SPC25: variants seen among roughly 807,000 people sequenced by gnomAD.
The protein encoded by SPC25 is kinetochore protein Spc25.
In SPC25, 22 loss-of-function variants were observed where a neutral mutation model predicts 29.6. The observed-to-expected ratio is 0.74, with a 90% CI of 0.53 to 1.06. SPC25 has a LOEUF of 1.06. Among genes scored for constraint, SPC25 ranks in the 50% least tolerant of loss-of-function variants. The pLI is 0.00. For missense variants in SPC25, 230 were observed against 255.8 expected (o/e 0.90, Z 0.69); for synonymous variants, 91 against 90.4 (o/e 1.01, Z -0.04).
intron 3 of SPC25, among the ~76,000 whole-genome samples, chr2:168,879,587 T>C (rs974703970): frequency 2.0e-5 from 3 of 152,202 alleles, no homozygotes; most frequent in Non-Finnish European, 4.4e-5. Context: ...CTCAAAGTCA[T>C]CCATGAGGGT....
chr2:168,867,497 C>T (rs1303470146), downstream of SPC25, among the ~76,000 whole-genome samples: 3 of 152,228 alleles, frequency 2.0e-5, no homozygotes, highest in African/African-American at 7.2e-5. Flanking sequence ...ACCCATCTCA[C>T]ATGCAGAAAC....
intron 6 of SPC25, among the ~76,000 whole-genome samples, chr2:168,872,064 T>C (rs1690003489): frequency 2.0e-5 from 3 of 152,028 alleles, no homozygotes; most frequent in Admixed American, 1.3e-4. Flanking sequence ...GCAAACTGCC[T>C]CCTGGCTTCA....
chr2:168,864,946 T>A (rs1460057159), intron 4 of SPC25: 6 of 1,614,014 alleles, frequency 3.7e-6, no homozygotes, highest in Non-Finnish European at 5.1e-6. Flanking sequence ...CTTCAAATGC[T>A]GGCAACACAG....
chr2:168,879,021 T>G (rs1690132229), intron 3 of SPC25, among the ~76,000 whole-genome samples: 1 of 152,220 alleles, frequency 6.6e-6, no homozygotes, highest in Non-Finnish European at 1.5e-5. Flanking sequence ...CATATCTTAA[T>G]TAAAAATATT....
chr2:168,888,294 G>C (rs967681111), intron 3 of SPC25, among the ~76,000 whole-genome samples: 1 of 151,748 alleles, frequency 6.6e-6, no homozygotes, highest in Non-Finnish European at 1.5e-5. Context: ...GGTGGCTCAC[G>C]CCTGTAATCC....
intron 3 of SPC25, among the ~76,000 whole-genome samples, chr2:168,877,802 A>G (rs1690114322): frequency 1.3e-5 from 2 of 151,926 alleles, no homozygotes; most frequent in African/African-American, 2.4e-5. Flanking sequence ...CACAATCACT[A>G]CTCATTGCAG....
At chr2:168,865,539 GC>G (rs1689815694) in intron 4 of SPC25, 1 of 152,504 alleles carries the variant, frequency 6.6e-6, no homozygotes, top group Admixed American at 6.5e-5. Flanking sequence ...AAAACTGGAA[GC>G]ATTCCCTTTG....
intron 5 of SPC25, among the ~76,000 whole-genome samples, chr2:168,874,719 G>A (rs188627460): frequency 2.0e-5 from 3 of 152,158 alleles, no homozygotes; most frequent in African/African-American, 4.8e-5. Context: ...AGGCATAAGC[G>A]TCCAGAACCT....
intron 3 of SPC25, among the ~76,000 whole-genome samples, chr2:168,882,710 T>C (rs529004099): frequency 8.5e-4 from 130 of 152,214 alleles, no homozygotes; most frequent in African/African-American, 3.0e-3. Context: ...CAACAATGGG[T>C]TACCATTTTA....
chr2:168,871,195 C>T lies in SPC25; in HGVS notation c.*236G>A, dbSNP rs1448522446. On this transcript the variant is annotated 3_prime_UTR_variant, in exon 7 of 7. Coordinates refer to ENST00000282074, the MANE Select transcript of SPC25 (RefSeq NM_020675.4). ...ACACAGGAAGGGGAACATCACACAA[C>T]GGGGACTGTTGTGGGTTGGGGGAGG... 1.2e-4 allele frequency: 23 copies of T among 191,794 alleles called. No individual in the cohort carries two copies. In the Admixed American group the frequency reaches 1.2e-3, roughly 10 times the overall value. The allele number at this position is 191,794 out of a possible 1,614,324, so 11.9% of individuals were successfully genotyped here.
intron 3 of SPC25, among the ~76,000 whole-genome samples, chr2:168,887,601 T>C (rs1049729033): frequency 3.9e-5 from 6 of 152,204 alleles, no homozygotes; most frequent in Admixed American, 3.9e-4. Context: ...GTAAGGACAT[T>C]CTAGTCTAAT....
rs1482233927 is a variant in SPC25, at chr2:168,882,843, C to T, written c.200-5459G>A. On this transcript the variant is annotated intron_variant, in intron 3 of 6. Transcript: ENST00000282074. Reference sequence around the variant, plus strand: ...AGATAATTTAACCTCAGATTAATCACAGAAATGCAAGTAAAACAGTAAGAT... The same window carrying T: ...AGATAATTTAACCTCAGATTAATCATAGAAATGCAAGTAAAACAGTAAGAT... Among the ~76,000 whole-genome samples, 3 of 152,038 alleles carry T rather than the reference C, an allele frequency of 2.0e-5. 1 individual carries two copies. Among genetic ancestry groups the T allele is most frequent in the Admixed American group, 2.0e-4 (3 of 15,274 alleles).
At chr2:168,865,423 T>G (rs1689807687) in intron 4 of SPC25, 1 of 154,920 alleles carries the variant, frequency 6.5e-6, no homozygotes, top group African/African-American at 2.4e-5. Context: ...ACAGATCAAT[T>G]CCAAGAAGAG....
chr2:168,883,756 C>A (rs571053534), intron 3 of SPC25, among the ~76,000 whole-genome samples: 20 of 151,314 alleles, frequency 1.3e-4, no homozygotes, highest in Admixed American at 9.9e-4. Context: ...GTCCTCGATG[C>A]TGTATGACCA....
At position 168,890,400 on chromosome 2, in the gene SPC25, G is replaced by A; in HGVS notation, c.-97C>T. Reference sequence around the variant, plus strand: ...AGCCAACAGCCGGACTCTAGGCTCAGCTCCCGCAGCCCCGCCAACTTTCCG... The same window carrying A: ...AGCCAACAGCCGGACTCTAGGCTCAACTCCCGCAGCCCCGCCAACTTTCCG... On this transcript the variant is annotated 5_prime_UTR_variant, in exon 1 of 7. Transcript: ENST00000282074. 1.0e-6 allele frequency: 1 copy of A among 985,492 alleles called. No individual in the cohort carries two copies. Among genetic ancestry groups the A allele is most frequent in the Non-Finnish European group, 1.2e-6 (1 of 829,994 alleles). The allele number at this position is 985,492 out of a possible 1,614,324, so 61.0% of individuals were successfully genotyped here.
chr2:168,868,594 T>C (rs1309155034), downstream of SPC25, among the ~76,000 whole-genome samples: 2 of 152,106 alleles, frequency 1.3e-5, no homozygotes, highest in African/African-American at 4.8e-5. Context: ...GCAAATAAAC[T>C]AGAAAATCTA....
At chr2:168,877,451 A>G (rs1466471309) in intron 3 of SPC25, 67 bp from the exon 4 acceptor site, 17 of 1,541,118 alleles carry the variant, frequency 1.1e-5, no homozygotes, top group Non-Finnish European at 1.4e-5. Flanking sequence ...AGAAAAGGCC[A>G]AAGTTTACTG....
At chr2:168,885,267 C>A (rs536557624) in intron 3 of SPC25, among the ~76,000 whole-genome samples, 1 of 152,314 alleles carries the variant, frequency 6.6e-6, no homozygotes, top group Admixed American at 6.5e-5. Context: ...TCATCCTAGA[C>A]CACAGCATAC....
chr2:168,881,054 G>C (rs1362590419), intron 3 of SPC25, among the ~76,000 whole-genome samples: 4 of 152,186 alleles, frequency 2.6e-5, no homozygotes, highest in Non-Finnish European at 5.9e-5. Context: ...CTTGACACAT[G>C]GTTGCCATTA....
Sources: gnomAD v4.1 joint callset for allele counts (sites outside exome capture counted in the v4.1 genomes callset) on GRCh38, gnomAD v4.1.1 for gene constraint, MANE v1.5 for transcripts, NCBI Gene and HGNC (gene_info 2026-07-23, HGNC 2026-07-21) for gene names.